The following EMSY variants were observed in gnomAD, a reference collection of about 807,000 sequenced individuals.
EMSY encodes EMSY transcriptional repressor, BRCA2 interacting.
EMSY carries 26 observed loss-of-function variants against 134.6 expected under a neutral mutation model. That is an observed-to-expected ratio of 0.19 (90% CI 0.14 to 0.27). EMSY has a LOEUF of 0.27. Ranked by LOEUF, EMSY falls within the 10% of genes least tolerant of loss-of-function variation. EMSY has a pLI of 1.00. For missense variants in EMSY, 1,305 were observed against 1,611.4 expected, an observed-to-expected ratio of 0.81 and a Z score of 3.26; for synonymous variants, 579 against 577.8, an observed-to-expected ratio of 1.00 and a Z score of -0.03.
chr11:76,509,972 T>C (rs920221086), intron 9 of EMSY, among the ~76,000 whole-genome samples: 1 of 152,138 alleles, frequency 6.6e-6, no homozygotes, highest in Admixed American at 6.5e-5. Context: ...GATGGGAGAA[T>C]TGCTTTAGCT....
In EMSY at chr11:76,506,708, A is replaced by G. The variant is rs542117608; in HGVS notation, c.1364-6678A>G. Among the ~76,000 whole-genome samples, 7 of 152,330 alleles carry G rather than the reference A, an allele frequency of 4.6e-5. No individual in the cohort carries two copies. In the South Asian group the frequency reaches 1.4e-3, roughly 32 times the overall value. On this transcript the variant is annotated intron_variant, in intron 9 of 20. Transcript: ENST00000334736. ...ATTGGCAAAAATCCAACTGCTTGAAAATATACTGGTGGGAAGGGGGCACTG... is the reference window on the plus strand; with the variant it reads ...ATTGGCAAAAATCCAACTGCTTGAAGATATACTGGTGGGAAGGGGGCACTG...
chr11:76,520,666 A>G (rs1228009265), intron 11 of EMSY, among the ~76,000 whole-genome samples: 1 of 152,190 alleles, frequency 6.6e-6, no homozygotes, highest in Non-Finnish European at 1.5e-5. Context: ...TGGACTAATG[A>G]GACATATAAT....
intron 2 of EMSY, among the ~76,000 whole-genome samples, chr11:76,447,773 T>G (rs1177781620): frequency 6.6e-6 from 1 of 152,236 alleles, no homozygotes; most frequent in Non-Finnish European, 1.5e-5. Context: ...TTTTGTGTTC[T>G]GTAGTTCAAA....
chr11:76,506,153 A>G (rs1317613256), intron 9 of EMSY, among the ~76,000 whole-genome samples: 1 of 152,100 alleles, frequency 6.6e-6, no homozygotes, highest in African/African-American at 2.4e-5. Context: ...TATAAAAAAT[A>G]TTCCAGGGCA....
At chr11:76,491,344 C>CT (rs1193892243) in intron 8 of EMSY, among the ~76,000 whole-genome samples, 1 of 151,936 alleles carries the variant, frequency 6.6e-6, no homozygotes, top group African/African-American at 2.4e-5. Flanking sequence ...CCATGCCCGG[C>CT]TTTTTTTGTT....
At chr11:76,505,950 G>C (rs1346600904) in intron 9 of EMSY, among the ~76,000 whole-genome samples, 1 of 151,760 alleles carries the variant, frequency 6.6e-6, no homozygotes, top group Non-Finnish European at 1.5e-5. Flanking sequence ...AATCACTTGA[G>C]GCCAGGTGTT....
intron 2 of EMSY, among the ~76,000 whole-genome samples, chr11:76,447,235 G>A (rs950367800): frequency 2.6e-5 from 4 of 152,152 alleles, no homozygotes; most frequent in Non-Finnish European, 5.9e-5. Context: ...TTTATTGAGG[G>A]CTACTTGGCT....
chr11:76,507,776 G>T (rs1950131186), intron 9 of EMSY, among the ~76,000 whole-genome samples: 1 of 151,884 alleles, frequency 6.6e-6, no homozygotes, highest in African/African-American at 2.4e-5. Context: ...CTTTCCAGAA[G>T]ATTGACTTTG....
chr11:76,446,325 A>ATATATATATGTGTG (rs1456406607), intron 1 of EMSY, among the ~76,000 whole-genome samples: 52 of 97,154 alleles, frequency 5.4e-4, no homozygotes, highest in Non-Finnish European at 9.9e-4. Context: ...GTGTGTGTGT[A>ATATATATATGTGTG]TATATATATG....
At chr11:76,463,536 T>G (rs1948217701) in intron 6 of EMSY, among the ~76,000 whole-genome samples, 1 of 147,902 alleles carries the variant, frequency 6.8e-6, no homozygotes, top group Admixed American at 6.9e-5. Flanking sequence ...GGCAGGAGAA[T>G]GGCGTGAACC....
At chr11:76,512,917 A>T (rs534195964) in intron 9 of EMSY, among the ~76,000 whole-genome samples, 1 of 152,252 alleles carries the variant, frequency 6.6e-6, no homozygotes, top group South Asian at 2.1e-4. Context: ...CAAACAAAAA[A>T]TGTTCTTTGT....
intron 5 of EMSY, chr11:76,458,969 A>G (rs1182126246): frequency 6.6e-6 from 1 of 152,188 alleles, no homozygotes; most frequent in Non-Finnish European, 1.5e-5. Context: ...GACCCTAAAA[A>G]CAATGCATTT....
At chr11:76,546,431 G>A (rs527825052) in intron 20 of EMSY, 134 bp downstream of exon 21, 22 of 1,268,222 alleles carry the variant, frequency 1.7e-5, no homozygotes, top group Non-Finnish European at 2.2e-5. Flanking sequence ...TTGAGATGGT[G>A]TTTGACAAAT....
At chr11:76,498,998 G>A (rs1288769629) in intron 9 of EMSY, among the ~76,000 whole-genome samples, 1 of 152,184 alleles carries the variant, frequency 6.6e-6, no homozygotes, top group Non-Finnish European at 1.5e-5. Flanking sequence ...GTCTCGCTTT[G>A]TCACCCAGGC....
intron 12 of EMSY, 66 bp downstream of exon 13, chr11:76,523,357 A>G: frequency 6.5e-7 from 1 of 1,535,168 alleles, no homozygotes; most frequent in Non-Finnish European, 8.7e-7. Flanking sequence ...CTATATAAAT[A>G]TTTGCACAAG....
intron 12 of EMSY, among the ~76,000 whole-genome samples, chr11:76,525,717 G>T (rs1950821871): frequency 6.6e-6 from 1 of 152,054 alleles, no homozygotes; most frequent in Admixed American, 6.6e-5. Context: ...CTAGTTAATA[G>T]ACTAAAAGGA....
chr11:76,487,988 T>C (rs1051357798), intron 8 of EMSY, among the ~76,000 whole-genome samples: 4 of 152,226 alleles, frequency 2.6e-5, no homozygotes, highest in African/African-American at 9.6e-5. Context: ...TTCACTTACA[T>C]GACTTTTTAA....
chr11:76,461,959 A>T (rs1456286863), intron 6 of EMSY, among the ~76,000 whole-genome samples: 1 of 141,026 alleles, frequency 7.1e-6, no homozygotes, highest in African/African-American at 2.7e-5. Context: ...ACACCAGGCC[A>T]GGCATGGTGG....
At chr11:76,501,237 T>C (rs1949847093) in intron 9 of EMSY, among the ~76,000 whole-genome samples, 3 of 152,208 alleles carry the variant, frequency 2.0e-5, no homozygotes. Context: ...GTATGTATAT[T>C]ATCTAAAATG....
Sources: gnomAD v4.1 joint callset for allele counts (sites outside exome capture counted in the v4.1 genomes callset) on GRCh38, gnomAD v4.1.1 for gene constraint, MANE v1.5 for transcripts, NCBI Gene and HGNC (gene_info 2026-07-23, HGNC 2026-07-21) for gene names.